ADAMTSL1: variants seen among roughly 807,000 people sequenced by gnomAD.
ADAMTSL1 encodes the protein ADAMTS-like protein 1.
ADAMTSL1 carries 126 observed loss-of-function variants against 201.8 expected under a neutral mutation model. The observed-to-expected ratio is 0.62, with a 90% CI of 0.54 to 0.72. The LOEUF is 0.72. ADAMTSL1 is among the 30% of genes least tolerant of loss of function. The probability of loss-of-function intolerance (pLI) is 0.00; values close to 1 mark genes in which losing one functional copy is unlikely to be tolerated. For missense variants in ADAMTSL1, 2,679 were observed against 2,277.8 expected (o/e 1.18, Z -3.59); for synonymous variants, 1,121 against 903.4 (o/e 1.24, Z -4.32).
intron 26 of ADAMTSL1, among the ~76,000 whole-genome samples, chr9:18,898,097 G>C (rs1829769059): frequency 6.6e-6 from 1 of 152,166 alleles, no homozygotes; most frequent in Non-Finnish European, 1.5e-5. Flanking sequence ...GCTGAGGCAG[G>C]AGAATCACTT....
At chr9:18,555,883 C>T (rs1457546261) in intron 3 of ADAMTSL1, among the ~76,000 whole-genome samples, 2 of 151,906 alleles carry the variant, frequency 1.3e-5, no homozygotes, top group African/African-American at 4.8e-5. Flanking sequence ...CAGCTCCTCA[C>T]AGAAACTTTG....
At chr9:18,518,243 T>C (rs1818480932) in intron 2 of ADAMTSL1, among the ~76,000 whole-genome samples, 1 of 152,192 alleles carries the variant, frequency 6.6e-6, no homozygotes, top group South Asian at 2.1e-4. Flanking sequence ...AGTATACCCA[T>C]CACCCAAATA....
chr9:18,507,432 A>C (rs1229144274), intron 2 of ADAMTSL1, among the ~76,000 whole-genome samples: 3 of 152,232 alleles, frequency 2.0e-5, no homozygotes, highest in Non-Finnish European at 4.4e-5. Flanking sequence ...AAATACCTTT[A>C]TAATAATACC....
chr9:18,021,103 G>T (rs1820463860), intron 1 of ADAMTSL1, among the ~76,000 whole-genome samples: 1 of 152,102 alleles, frequency 6.6e-6, no homozygotes, highest in Non-Finnish European at 1.5e-5. Context: ...CTGGGGCTTT[G>T]CTCAGCAATT....
intron 1 of ADAMTSL1, among the ~76,000 whole-genome samples, chr9:18,100,986 G>T (rs559474645): frequency 1.3e-5 from 2 of 152,136 alleles, no homozygotes; most frequent in East Asian, 1.9e-4. Context: ...GCTTGTCCTC[G>T]CCTGCATGTA....
At chr9:18,211,303 A>G (rs1829861903) in intron 2 of ADAMTSL1, among the ~76,000 whole-genome samples, 1 of 152,124 alleles carries the variant, frequency 6.6e-6, no homozygotes. Context: ...CCCAAACAGT[A>G]AGAAATACAA....
chr9:17,957,620 C>T (rs1043505196), intron 1 of ADAMTSL1, among the ~76,000 whole-genome samples: 5 of 152,126 alleles, frequency 3.3e-5, no homozygotes, highest in African/African-American at 9.7e-5. Flanking sequence ...TGAATAGCAT[C>T]CCCCCAAATT....
chr9:18,318,472 C>A (rs573154862), intron 2 of ADAMTSL1, among the ~76,000 whole-genome samples: 2 of 152,148 alleles, frequency 1.3e-5, no homozygotes, highest in Non-Finnish European at 2.9e-5. Flanking sequence ...TTTCAGCAAG[C>A]CTTTCAGAAA....
At chr9:18,590,078 T>C (rs1823809264) in intron 4 of ADAMTSL1, among the ~76,000 whole-genome samples, 2 of 152,242 alleles carry the variant, frequency 1.3e-5, no homozygotes, top group African/African-American at 2.4e-5. Flanking sequence ...GTTGGCCTCA[T>C]TGGATAAGTT....
chr9:18,875,815 G>A (rs917295499), intron 23 of ADAMTSL1, among the ~76,000 whole-genome samples: 3 of 152,062 alleles, frequency 2.0e-5, no homozygotes, highest in Admixed American at 6.6e-5. Context: ...TGACTGTCTT[G>A]ATGACCTGTC....
intron 2 of ADAMTSL1, among the ~76,000 whole-genome samples, chr9:18,424,388 TAC>T (rs920995421): frequency 6.6e-6 from 1 of 152,208 alleles, no homozygotes; most frequent in Non-Finnish European, 1.5e-5. Context: ...GTGAATCTTA[TAC>T]AGTCCCCATG....
chr9:18,474,079 C>G (rs886526833), upstream of ADAMTSL1: 10 of 520,814 alleles, frequency 1.9e-5, no homozygotes, highest in Non-Finnish European at 3.4e-5. Context: ...CACCCATCCA[C>G]CCACCCACCC....
chr9:18,714,741 C>T (rs528971107), intron 14 of ADAMTSL1, among the ~76,000 whole-genome samples: 1 of 152,062 alleles, frequency 6.6e-6, no homozygotes, highest in African/African-American at 2.4e-5. Context: ...CTCCCTAACT[C>T]ATTTGATGAG....
chr9:18,366,415 T>C (rs1035541000), intron 2 of ADAMTSL1, among the ~76,000 whole-genome samples: 7 of 152,096 alleles, frequency 4.6e-5, no homozygotes, highest in African/African-American at 1.7e-4. Flanking sequence ...TTGTCCCATA[T>C]ACTATAATCC....
At chr9:18,639,062 A>C (rs185337635) in intron 6 of ADAMTSL1, among the ~76,000 whole-genome samples, 192 bp from the exon 7 acceptor site, 105 of 152,102 alleles carry the variant, frequency 6.9e-4, no homozygotes, top group Admixed American at 1.8e-3. Flanking sequence ...AATAATTTCA[A>C]CTCCAGCATA....
chr9:18,619,991 G>A, intron 4 of ADAMTSL1, among the ~76,000 whole-genome samples: 1 of 150,626 alleles, frequency 6.6e-6, no homozygotes, highest in African/African-American at 2.4e-5. Flanking sequence ...GTCCCTCCAA[G>A]GCAATTAGGT....
chr9:18,087,845 C>T (rs77995821), intron 1 of ADAMTSL1, among the ~76,000 whole-genome samples: 8,622 of 152,118 alleles, frequency 0.057, 418 homozygotes, highest in African/African-American at 0.12. Context: ...AACATACAAA[C>T]AGTATTAGTC....
rs1304107760 is a variant in ADAMTSL1 at position 18,503,440 on chromosome 9, T to TATAC, written c.64-1388_64-1387insTACA. Among the ~76,000 whole-genome samples the TATAC allele has an allele frequency of 6.4e-3, 955 of 148,332 alleles. 24 individuals are homozygous for TATAC. Among genetic ancestry groups the TATAC allele is most frequent in the African/African-American group, 0.022 (897 of 40,774 alleles). Reference sequence around the variant, plus strand: ...CATTGTGTATATATATATATATATATACCACATTTTGTTTACATATTCATC... The same window carrying TATAC: ...CATTGTGTATATATATATATATATATATACACCACATTTTGTTTACATATTCATC... On this transcript the variant is annotated intron_variant, in intron 1 of 28. Transcript: ENST00000380548.
intron 2 of ADAMTSL1, among the ~76,000 whole-genome samples, chr9:18,322,906 C>T (rs747292961): frequency 2.0e-5 from 3 of 152,038 alleles, no homozygotes; most frequent in Non-Finnish European, 2.9e-5. Flanking sequence ...TTCTATTTCC[C>T]TCACAAAACA....
Sources: gnomAD v4.1 joint callset for allele counts (sites outside exome capture counted in the v4.1 genomes callset) on GRCh38, gnomAD v4.1.1 for gene constraint, MANE v1.5 for transcripts, NCBI Gene and HGNC (gene_info 2026-07-23, HGNC 2026-07-21) for gene names.